The following CNTNAP2 variants were observed in gnomAD, a reference collection of about 807,000 sequenced individuals.
CNTNAP2 encodes contactin associated protein 2, also known as contactin-associated protein-like 2.
CNTNAP2 carries 98 observed loss-of-function variants against 155.2 expected under a neutral mutation model. The ratio of observed to expected loss-of-function variants is 0.63; its 90% CI spans 0.54 to 0.75. The LOEUF is 0.75. Among genes scored for constraint, CNTNAP2 ranks in the 30% least tolerant of loss-of-function variants. CNTNAP2 has a pLI of 0.00. For synonymous variants in CNTNAP2, 651 were observed against 631.2 expected (o/e 1.03, Z -0.47); for missense variants, 1,727 against 1,688.1 (o/e 1.02, Z -0.40).
At chr7:147,613,936 C>T (rs765213221) in intron 12 of CNTNAP2, among the ~76,000 whole-genome samples, 18 of 152,164 alleles carry the variant, frequency 1.2e-4, no homozygotes, top group Non-Finnish European at 1.9e-4. Flanking sequence ...CCATCTGGAA[C>T]AATTTTTATG....
In CNTNAP2 at chr7:146,329,976, G is replaced by A. The variant is rs185051981; in HGVS notation, c.97+213003G>A. Among the ~76,000 whole-genome samples, 318 of 102,366 alleles carry A rather than the reference G, an allele frequency of 3.1e-3. 1 individual carries two copies. The highest frequency in any genetic ancestry group is 5.5e-3 in the Admixed American group (58 of 10,532). 67.2% of individuals were successfully genotyped at this position (102,366 alleles called of 152,430 possible). On this transcript the variant is annotated intron_variant, in intron 1 of 23. Transcript: ENST00000361727. ...TTCATTATGCTGAAATATTTTCTTC[G>A]TTAAAAATCTCATTTATTGATTCAA...
intron 1 of CNTNAP2, among the ~76,000 whole-genome samples, chr7:146,495,726 T>C (rs1797205215): frequency 6.6e-6 from 1 of 152,168 alleles, no homozygotes; most frequent in African/African-American, 2.4e-5. Flanking sequence ...TCTATTTGCA[T>C]TCTAAGAATA....
intron 8 of CNTNAP2, among the ~76,000 whole-genome samples, chr7:147,154,779 A>G (rs143276003): frequency 2.6e-5 from 4 of 152,282 alleles, no homozygotes; most frequent in South Asian, 4.1e-4. Flanking sequence ...TCAAACTACT[A>G]ATCATTGAAT....
Position 146,959,005 on chromosome 7 carries a change from T to A in CNTNAP2, c.403-84902T>A, listed in dbSNP as rs184037036. ...CTTTGAATTAGGATAATGACTTTTT[T>A]ATTTTATTTTATTTTATTTATTTAT... On this transcript the variant is annotated intron_variant, in intron 3 of 23. Transcript: ENST00000361727. Among the ~76,000 whole-genome samples, 267 of 152,026 alleles carry A rather than the reference T, an allele frequency of 1.8e-3. 1 individual carries two copies. Among genetic ancestry groups the A allele is most frequent in the African/African-American group, 6.0e-3 (250 of 41,512 alleles).
At chr7:147,095,871 C>T (rs1800520146) in intron 4 of CNTNAP2, among the ~76,000 whole-genome samples, 2 of 152,064 alleles carry the variant, frequency 1.3e-5, no homozygotes, top group South Asian at 4.2e-4. Flanking sequence ...CCTATGAAGC[C>T]CACCCTTCCC....
chr7:146,723,136 G>A (rs1372274321), intron 1 of CNTNAP2, among the ~76,000 whole-genome samples: 1 of 152,132 alleles, frequency 6.6e-6, no homozygotes, highest in East Asian at 1.9e-4. Flanking sequence ...GTTGGGGTAG[G>A]CACTAATTTA....
intron 3 of CNTNAP2, 147 bp from the exon 4 acceptor site, chr7:147,043,760 A>G (rs1417121452): frequency 1.3e-5 from 13 of 972,746 alleles, no homozygotes; most frequent in Non-Finnish European, 1.8e-5. Flanking sequence ...ATTAAGAGTA[A>G]GGAAGCAGCT....
chr7:147,376,203 G>C (rs1259334019), intron 9 of CNTNAP2, among the ~76,000 whole-genome samples: 1 of 152,022 alleles, frequency 6.6e-6, no homozygotes, highest in Non-Finnish European at 1.5e-5. Context: ...TATCACGTTT[G>C]TATGATAACT....
intron 13 of CNTNAP2, among the ~76,000 whole-genome samples, chr7:147,677,593 A>G (rs983423443): frequency 1.3e-5 from 2 of 151,824 alleles, no homozygotes; most frequent in Admixed American, 1.3e-4. Context: ...ATCGTTGCTC[A>G]GAAAAATGTC....
chr7:148,217,606 G>A, intron 19 of CNTNAP2, 82 bp downstream of exon 19: 1 of 1,468,210 alleles, frequency 6.8e-7, no homozygotes, highest in Non-Finnish European at 9.5e-7. Context: ...GATTGTTCTT[G>A]GTTTGTTATT....
chr7:146,788,858 G>C (rs867702581), intron 2 of CNTNAP2, among the ~76,000 whole-genome samples: 1 of 150,018 alleles, frequency 6.7e-6, no homozygotes, highest in African/African-American at 2.5e-5. Context: ...TTGTTTTTTC[G>C]TCTATCTCTA....
rs56721786 is a variant in CNTNAP2 at position 146,729,083 on chromosome 7, C to T, written c.98-45188C>T. On this transcript the variant is annotated intron_variant, in intron 1 of 23. Transcript: ENST00000361727. Reference sequence around the variant, plus strand: ...TTAAACCCTCTGGGGCTGATCCACGCGGAGCTCAGTTGAAGTATTACACTT... The same window carrying T: ...TTAAACCCTCTGGGGCTGATCCACGTGGAGCTCAGTTGAAGTATTACACTT... Among the ~76,000 whole-genome samples the T allele has an allele frequency of 9.5e-3, 1,453 of 152,234 alleles. 26 individuals are homozygous for T. Among genetic ancestry groups the T allele is most frequent in the African/African-American group, 0.033 (1,374 of 41,534 alleles).
chr7:147,711,511 C>G (rs1796399653), intron 13 of CNTNAP2, among the ~76,000 whole-genome samples: 1 of 152,194 alleles, frequency 6.6e-6, no homozygotes, highest in African/African-American at 2.4e-5. Flanking sequence ...CAGAAAAGCA[C>G]TGCTCTATAG....
intron 1 of CNTNAP2, among the ~76,000 whole-genome samples, chr7:146,155,889 A>G (rs1215449432): frequency 2.6e-5 from 4 of 151,814 alleles, no homozygotes; most frequent in Non-Finnish European, 4.4e-5. Context: ...TTTTTAGTTA[A>G]GATGGGGTTT....
Position 147,427,852 on chromosome 7 carries a change from A to G in CNTNAP2, c.1670+32072A>G, listed in dbSNP as rs190513058. Reference sequence around the variant, plus strand: ...GGACAATGTTAAAGCTGCATTAGACATACCCCAACTGTTTGTTTATGATGG... The same window carrying G: ...GGACAATGTTAAAGCTGCATTAGACGTACCCCAACTGTTTGTTTATGATGG... On this transcript the variant is annotated intron_variant, in intron 10 of 23. Transcript: ENST00000361727. Among the ~76,000 whole-genome samples the G allele has an allele frequency of 1.5e-3, 228 of 152,294 alleles. 1 individual carries two copies. Among genetic ancestry groups the G allele is most frequent in the African/African-American group, 5.3e-3 (219 of 41,574 alleles).
rs573772527 is a variant in CNTNAP2, at chr7:146,721,001, T to A, written c.98-53270T>A. Among the ~76,000 whole-genome samples, 11 of 85,530 alleles carry A rather than the reference T, an allele frequency of 1.3e-4. No homozygotes were observed. The African/African-American group carries it at 1.5e-3, about 11-fold the overall frequency. 56.1% of individuals were successfully genotyped at this position (85,530 alleles called of 152,430 possible). A position where few individuals can be genotyped will look rare whatever the true frequency, so the allele number is the denominator to read the frequency against. The stretch of plus-strand genomic sequence containing the variant: ...GACTATATATACTGTATATATATAG[T>A]CTATATATATACTCTATATATTATA... On this transcript the variant is annotated intron_variant, in intron 1 of 23. Transcript: ENST00000361727.
intron 3 of CNTNAP2, among the ~76,000 whole-genome samples, chr7:146,908,234 C>T (rs974102158): frequency 1.3e-5 from 2 of 151,962 alleles, no homozygotes; most frequent in African/African-American, 4.8e-5. Context: ...CAACATTAGA[C>T]AGATCAACGA....
At chr7:148,330,669 A>T (rs1430605519) in intron 21 of CNTNAP2, among the ~76,000 whole-genome samples, 4 of 131,614 alleles carry the variant, frequency 3.0e-5, no homozygotes, top group African/African-American at 1.3e-4. Context: ...GGATGGATGG[A>T]TGGAGTAGAT....
chr7:147,217,693 A>G (rs1009269813), intron 8 of CNTNAP2, among the ~76,000 whole-genome samples: 1 of 152,006 alleles, frequency 6.6e-6, no homozygotes, highest in Non-Finnish European at 1.5e-5. Context: ...CTCAGCTTCT[A>G]TCTTTTGAAA....
Sources: allele counts gnomAD v4.1 joint callset (sites outside exome capture counted in the v4.1 genomes callset), GRCh38; gene constraint gnomAD v4.1.1; transcripts MANE v1.5; gene names NCBI Gene and HGNC (gene_info 2026-07-23, HGNC 2026-07-21).